Variants in SLC35F3 observed in about 807,000 individuals in gnomAD.
SLC35F3 encodes the protein putative thiamine transporter SLC35F3.
Under a neutral mutation model 49.9 loss-of-function variants are expected in SLC35F3, and 25 were observed. The ratio of observed to expected loss-of-function variants is 0.50; its 90% CI spans 0.37 to 0.70. SLC35F3 has a LOEUF of 0.70. Ranked by LOEUF, SLC35F3 falls within the 30% of genes least tolerant of loss-of-function variation. SLC35F3 has a pLI of 0.00. For synonymous variants in SLC35F3, 275 were observed against 265.4 expected (o/e 1.04, Z -0.35); for missense variants, 525 against 639.8 (o/e 0.82, Z 1.94).
intron 2 of SLC35F3, among the ~76,000 whole-genome samples, chr1:234,014,875 T>C (rs1202017891): frequency 6.6e-6 from 1 of 152,186 alleles, no homozygotes; most frequent in Non-Finnish European, 1.5e-5. Flanking sequence ...TAAGAAGAAT[T>C]AATATTGTTA....
At chr1:234,193,713 T>C (rs1666763974) in intron 2 of SLC35F3, among the ~76,000 whole-genome samples, 2 of 152,014 alleles carry the variant, frequency 1.3e-5, no homozygotes, top group Admixed American at 6.6e-5. Flanking sequence ...AGGACTAATA[T>C]CCAGAATCTA....
rs748304273 is a variant in SLC35F3 at position 234,318,814 on chromosome 1, T to C, written c.1018T>C (p.Leu340=). Residue 340 remains leucine, a synonymous_variant, in exon 6 of 8, where the codon TTG becomes CTG. Transcript: ENST00000366618. ...AGAAGCCGCCTTATTTTTGTCCATC[T>C]TGGGTGTGTTTAACATCCTCTTCAT... The part of the protein sequence containing the change: ...FGEAALFLSI[L]GVFNILFITC... The C allele has an allele frequency of 4.3e-6, 7 of 1,614,246 alleles. No individual in the cohort carries two copies. The highest frequency in any genetic ancestry group is 5.9e-6 in the Non-Finnish European group (7 of 1,180,034).
intron 3 of SLC35F3, among the ~76,000 whole-genome samples, chr1:234,299,136 A>T (rs577736154): frequency 6.6e-6 from 1 of 152,210 alleles, no homozygotes; most frequent in Non-Finnish European, 1.5e-5. Context: ...ACTCAACAGA[A>T]GTCAATTTAA....
chr1:233,927,362 A>C (rs1662176482), intron 2 of SLC35F3, among the ~76,000 whole-genome samples: 1 of 152,186 alleles, frequency 6.6e-6, no homozygotes, highest in Non-Finnish European at 1.5e-5. Context: ...TCCATAAGAA[A>C]ATTTTTACAT....
intron 2 of SLC35F3, among the ~76,000 whole-genome samples, chr1:234,206,060 T>G (rs932964988): frequency 6.6e-6 from 1 of 152,002 alleles, no homozygotes; most frequent in Non-Finnish European, 1.5e-5. Context: ...GAGGGGCACG[T>G]GGCAGCTGGG....
At chr1:234,179,177 T>TAGA (rs1666521148) in intron 2 of SLC35F3, among the ~76,000 whole-genome samples, 1 of 152,110 alleles carries the variant, frequency 6.6e-6, no homozygotes, top group African/African-American at 2.4e-5. Flanking sequence ...CAGACCTGAG[T>TAGA]AGAATAGAAC....
At chr1:234,281,878 C>T (rs993099928) in intron 3 of SLC35F3, among the ~76,000 whole-genome samples, 5 of 152,128 alleles carry the variant, frequency 3.3e-5, no homozygotes, top group Non-Finnish European at 5.9e-5. Context: ...ACCAACCACG[C>T]GCTCATCTGT....
chr1:234,194,001 A>G (rs1329741626), intron 2 of SLC35F3, among the ~76,000 whole-genome samples: 2 of 152,224 alleles, frequency 1.3e-5, no homozygotes, highest in African/African-American at 4.8e-5. Context: ...GTTGGTGGGA[A>G]TGTAAACTAG....
At chr1:234,196,120 G>A (rs1034617661) in intron 2 of SLC35F3, among the ~76,000 whole-genome samples, 2 of 152,152 alleles carry the variant, frequency 1.3e-5, no homozygotes, top group Admixed American at 1.3e-4. Flanking sequence ...TAGGGATGGG[G>A]CAGAAGCAGC....
intron 2 of SLC35F3, among the ~76,000 whole-genome samples, chr1:233,975,117 G>C (rs1284147842): frequency 1.3e-5 from 2 of 151,434 alleles, no homozygotes; most frequent in Non-Finnish European, 2.9e-5. Context: ...GAGAGTCAGA[G>C]TCAGGAAGTC....
chr1:233,977,616 G>A (rs189193106), intron 2 of SLC35F3, among the ~76,000 whole-genome samples: 1 of 152,254 alleles, frequency 6.6e-6, no homozygotes, highest in Admixed American at 6.5e-5. Flanking sequence ...TTTAAGTATT[G>A]TTGCTATGTG....
rs559752262 is a variant in SLC35F3 at position 234,116,883 on chromosome 1, C to T, written c.284-114534C>T. Among the ~76,000 whole-genome samples the T allele has an allele frequency of 3.3e-5, 5 of 152,288 alleles. No homozygotes were observed. The East Asian group carries it at 7.7e-4, about 24-fold the overall frequency. ...CCATCATTCTTTGAGCAATGATTTA[C>T]TTTCCAGTGCAACAAGATGTCCAGG... On this transcript the variant is annotated intron_variant, in intron 2 of 7. Coordinates refer to ENST00000366618, the MANE Select transcript of SLC35F3 (RefSeq NM_173508.4).
intron 2 of SLC35F3, among the ~76,000 whole-genome samples, chr1:234,105,615 G>C (rs920142566): frequency 6.6e-6 from 1 of 152,188 alleles, no homozygotes; most frequent in African/African-American, 2.4e-5. Flanking sequence ...ACCACTCAGA[G>C]ACTCTTGGAC....
At chr1:233,968,060 C>T (rs954033470) in intron 2 of SLC35F3, among the ~76,000 whole-genome samples, 2 of 152,194 alleles carry the variant, frequency 1.3e-5, no homozygotes, top group East Asian at 3.9e-4. Context: ...ATGGAGGGAT[C>T]TGCACAGTGG....
intron 2 of SLC35F3, among the ~76,000 whole-genome samples, chr1:233,933,413 A>G (rs996323743): frequency 9.2e-5 from 14 of 152,082 alleles, no homozygotes; most frequent in African/African-American, 3.1e-4. Context: ...CAGTGGTGCA[A>G]TTCTAGCTCA....
chr1:234,008,556 T>C (rs550677416), intron 2 of SLC35F3, among the ~76,000 whole-genome samples: 1 of 152,336 alleles, frequency 6.6e-6, no homozygotes, highest in East Asian at 1.9e-4. Context: ...AGAAAGTTCT[T>C]TCATAGCTTT....
chr1:234,309,026 A>T, intron 3 of SLC35F3, 75 bp from the exon 4 acceptor site: 1 of 1,307,092 alleles, frequency 7.7e-7, no homozygotes, highest in Non-Finnish European at 1.1e-6. Context: ...AAAAAAAAAA[A>T]AACTTGCTAT....
intron 3 of SLC35F3, among the ~76,000 whole-genome samples, chr1:234,303,078 C>G (rs1437987931): frequency 6.6e-6 from 1 of 152,296 alleles, no homozygotes; most frequent in East Asian, 1.9e-4. Flanking sequence ...TAGACATCCT[C>G]TGATTTCTAT....
At chr1:233,947,130 T>C (rs1662524898) in intron 2 of SLC35F3, among the ~76,000 whole-genome samples, 1 of 152,222 alleles carries the variant, frequency 6.6e-6, no homozygotes, top group Non-Finnish European at 1.5e-5. Flanking sequence ...TAAAAACTCC[T>C]AAATTTTAAT....
Sources: allele counts gnomAD v4.1 joint callset (sites outside exome capture counted in the v4.1 genomes callset), GRCh38; gene constraint gnomAD v4.1.1; transcripts MANE v1.5; gene names NCBI Gene and HGNC (gene_info 2026-07-23, HGNC 2026-07-21).